The following CSMD3 variants were observed in gnomAD, a reference collection of about 807,000 sequenced individuals.
CSMD3 encodes the protein CUB and Sushi multiple domains 3.
A neutral mutation model predicts 435.2 loss-of-function variants in CSMD3; 177 were observed. That is an observed-to-expected ratio of 0.41 (90% CI 0.36 to 0.46). The LOEUF is 0.46. Among genes scored for constraint, CSMD3 ranks in the 20% least tolerant of loss-of-function variants. CSMD3 has a pLI of 0.34. For missense variants in CSMD3, 4,265 were observed against 4,504.6 expected (o/e 0.95, Z 1.52); for synonymous variants, 1,656 against 1,520.5 (o/e 1.09, Z -2.07).
chr8:113,358,855 G>A (rs1368217174), intron 1 of CSMD3, among the ~76,000 whole-genome samples: 1 of 151,914 alleles, frequency 6.6e-6, no homozygotes, highest in Non-Finnish European at 1.5e-5. Context: ...TAGTAGCTCT[G>A]GATTCAATTT....
At chr8:112,882,303 T>G (rs1305340371) in intron 10 of CSMD3, among the ~76,000 whole-genome samples, 1 of 151,904 alleles carries the variant, frequency 6.6e-6, no homozygotes, top group African/African-American at 2.4e-5. Flanking sequence ...ACCCTGACAA[T>G]GTAAATTAAC....
At position 113,304,929 on chromosome 8, in the gene CSMD3, A is replaced by G. The variant is rs2093806535; in HGVS notation, c.401+9642T>C. ...TAAAGTATAATAAAAAAAAAAAAAA[A>G]AGAAAATGTGGCACATATACACCAT... On this transcript the variant is annotated intron_variant, in intron 2 of 70. Transcript: ENST00000297405. Among the ~76,000 whole-genome samples, 4 of 112,212 alleles carry G rather than the reference A, an allele frequency of 3.6e-5. No individual in the cohort carries two copies. The Admixed American group carries it at 3.9e-4, about 11-fold the overall frequency. 73.6% of individuals were successfully genotyped at this position (112,212 alleles called of 152,430 possible).
chr8:112,901,771 A>T (rs1474098017), intron 10 of CSMD3, among the ~76,000 whole-genome samples: 2 of 151,216 alleles, frequency 1.3e-5, no homozygotes, highest in African/African-American at 4.8e-5. Flanking sequence ...AGTAGACAGG[A>T]TAGTTCAAAC....
At position 112,594,948 on chromosome 8, in the gene CSMD3, C is replaced by T. The variant is rs1206930340; in HGVS notation, c.3716-7713G>A. 6.6e-5 allele frequency among the ~76,000 whole-genome samples: 10 copies of T among 152,010 alleles called. No individual in the cohort carries two copies. The South Asian group carries it at 8.3e-4, about 13-fold the overall frequency. ...AACAGAAAAACTGGAAACTCTAAAA[C>T]GCAGAGCGCCTCTCCTCCTCCAAAG... On this transcript the variant is annotated intron_variant, in intron 22 of 70. Coordinates refer to ENST00000297405, the MANE Select transcript of CSMD3 (RefSeq NM_198123.2).
intron 37 of CSMD3, 94 bp from the exon 38 acceptor site, chr8:112,380,550 T>A: frequency 2.7e-6 from 2 of 730,308 alleles, no homozygotes; most frequent in Non-Finnish European, 5.0e-6. Context: ...AGAATACCAC[T>A]AAAAATATGC....
chr8:113,387,443 G>A lies in CSMD3; in HGVS notation c.178+49234C>T, dbSNP rs547598395. On this transcript the variant is annotated intron_variant, in intron 1 of 70. Coordinates refer to ENST00000297405, the MANE Select transcript of CSMD3 (RefSeq NM_198123.2). The stretch of plus-strand genomic sequence containing the variant: ...CTACTGTCTTTCAAGTACCACATGA[G>A]GCAATGAAGGAACAAAGATAAATAA... Among the ~76,000 whole-genome samples the A allele has an allele frequency of 7.2e-5, 11 of 151,792 alleles. No homozygotes were observed. The East Asian group carries it at 2.1e-3, about 29-fold the overall frequency.
chr8:112,979,929 T>A (rs1408275835), intron 6 of CSMD3, among the ~76,000 whole-genome samples: 7 of 151,046 alleles, frequency 4.6e-5, no homozygotes, highest in Non-Finnish European at 1.0e-4. Context: ...GAAATAAAAA[T>A]GATTTACATA....
chr8:113,140,594 A>G (rs1209268387), intron 4 of CSMD3, among the ~76,000 whole-genome samples: 3 of 151,236 alleles, frequency 2.0e-5, no homozygotes, highest in East Asian at 1.9e-4. Context: ...CCGGATATCT[A>G]TAACTCAGAG....
intron 38 of CSMD3, among the ~76,000 whole-genome samples, chr8:112,373,700 G>A (rs1285274362): frequency 6.6e-6 from 1 of 152,094 alleles, no homozygotes; most frequent in Non-Finnish European, 1.5e-5. Context: ...CACAAAAAGA[G>A]ATGTTTCTCT....
At chr8:113,232,570 C>T (rs1046916331) in intron 3 of CSMD3, among the ~76,000 whole-genome samples, 19 of 151,860 alleles carry the variant, frequency 1.3e-4, no homozygotes, top group Admixed American at 5.9e-4. Flanking sequence ...TCAAGACAGA[C>T]TGGCAATAAA....
chr8:112,850,066 G>T (rs2080441459), intron 11 of CSMD3, among the ~76,000 whole-genome samples: 1 of 152,092 alleles, frequency 6.6e-6, no homozygotes, highest in Non-Finnish European at 1.5e-5. Flanking sequence ...ATTAAATATT[G>T]CATGCAAAGG....
intron 23 of CSMD3, among the ~76,000 whole-genome samples, chr8:112,581,573 G>A (rs1041775283): frequency 4.6e-5 from 7 of 151,984 alleles, no homozygotes; most frequent in South Asian, 4.1e-4. Context: ...TGTTTCTCTT[G>A]CTTTACATAG....
chr8:113,331,311 A>G (rs982902058), intron 1 of CSMD3, among the ~76,000 whole-genome samples: 3 of 151,730 alleles, frequency 2.0e-5, no homozygotes, highest in East Asian at 3.8e-4. Context: ...AAAATTGTAA[A>G]AAGAAAATCC....
intron 1 of CSMD3, among the ~76,000 whole-genome samples, chr8:113,346,682 C>A (rs958096947): frequency 6.6e-6 from 1 of 151,466 alleles, no homozygotes; most frequent in African/African-American, 2.4e-5. Flanking sequence ...TATCTCCAGT[C>A]AAGTATTAAA....
At chr8:112,574,850 C>G (rs1395155291) in intron 23 of CSMD3, among the ~76,000 whole-genome samples, 1 of 151,790 alleles carries the variant, frequency 6.6e-6, no homozygotes, top group Non-Finnish European at 1.5e-5. Flanking sequence ...TCTCTTAGCT[C>G]AGATTGCCTT....
chr8:112,472,739 G>T (rs780795256), intron 31 of CSMD3, 32 bp from the exon 32 acceptor site: 1 of 1,233,824 alleles, frequency 8.1e-7, no homozygotes, highest in Non-Finnish European at 1.2e-6. Flanking sequence ...ATCATTTTTA[G>T]AAAAAAGTTT....
rs905876112 is a variant in CSMD3, at chr8:112,385,058, C to G, written c.5935-1395G>C. ...GATTTAGTGGACCATGAGTAATCTT[C>G]TTTAGCTACAGTGGGGGGTATTTAC... On this transcript the variant is annotated intron_variant, in intron 36 of 70. Coordinates refer to ENST00000297405, the MANE Select transcript of CSMD3 (RefSeq NM_198123.2). Among the ~76,000 whole-genome samples the G allele has an allele frequency of 3.3e-5, 5 of 152,244 alleles. No individual in the cohort carries two copies. In the East Asian group the frequency reaches 5.8e-4, roughly 18 times the overall value.
chr8:112,289,125 A>T (rs957181173), intron 57 of CSMD3, among the ~76,000 whole-genome samples: 2 of 152,272 alleles, frequency 1.3e-5, no homozygotes, highest in Non-Finnish European at 2.9e-5. Context: ...AATTCTTTAA[A>T]TTAGCAACAC....
chr8:113,028,010 G>A (rs969962044), intron 5 of CSMD3, among the ~76,000 whole-genome samples: 6 of 151,996 alleles, frequency 3.9e-5, no homozygotes, highest in East Asian at 1.9e-4. Flanking sequence ...TGTTTATTGT[G>A]CTTTGCAGAT....
Sources: allele counts gnomAD v4.1 joint callset (sites outside exome capture counted in the v4.1 genomes callset), GRCh38; gene constraint gnomAD v4.1.1; transcripts MANE v1.5; gene names NCBI Gene and HGNC (gene_info 2026-07-23, HGNC 2026-07-21).